Variants in THSD4 observed in about 807,000 individuals in gnomAD.
THSD4 encodes the protein thrombospondin type 1 domain containing 4, also known as thrombospondin type-1 domain-containing protein 4.
A neutral mutation model predicts 119.0 loss-of-function variants in THSD4; 69 were observed. The observed-to-expected ratio is 0.58, with a 90% CI of 0.48 to 0.71. The LOEUF (loss-of-function observed/expected upper bound fraction) is 0.71, where lower values mean the gene tolerates loss of function less well. Ranked by LOEUF, THSD4 falls within the 30% of genes least tolerant of loss-of-function variation. The pLI, the probability that THSD4 is intolerant of heterozygous loss-of-function variation, is 0.00. For missense variants in THSD4, 1,393 were observed against 1,391.1 expected (o/e 1.00, Z -0.02); for synonymous variants, 524 against 540.4 (o/e 0.97, Z 0.42).
At chr15:71,466,213 G>A (rs1004308531) in intron 7 of THSD4, among the ~76,000 whole-genome samples, 15 of 151,808 alleles carry the variant, frequency 9.9e-5, no homozygotes, top group Non-Finnish European at 1.5e-4. Flanking sequence ...TTAGCTGGGC[G>A]TGGTAGCTGT....
chr15:71,368,033 A>T (rs1022327437), intron 6 of THSD4, among the ~76,000 whole-genome samples: 1 of 152,204 alleles, frequency 6.6e-6, no homozygotes, highest in African/African-American at 2.4e-5. Flanking sequence ...TCTGATGGCC[A>T]GTGATGATGA....
intron 2 of THSD4, among the ~76,000 whole-genome samples, chr15:71,143,787 C>A (rs2040630376): frequency 7.0e-6 from 1 of 142,678 alleles, no homozygotes; most frequent in South Asian, 2.4e-4. Flanking sequence ...CTCACTGTAA[C>A]CTTGAACTTC....
At chr15:71,684,784 T>A (rs2051872447) in intron 8 of THSD4, among the ~76,000 whole-genome samples, 1 of 152,150 alleles carries the variant, frequency 6.6e-6, no homozygotes, top group Non-Finnish European at 1.5e-5. Flanking sequence ...TGTTCCAATT[T>A]TTATGTGCTC....
chr15:71,704,288 A>G (rs898183588), intron 8 of THSD4, among the ~76,000 whole-genome samples: 6 of 152,214 alleles, frequency 3.9e-5, no homozygotes, highest in African/African-American at 9.6e-5. Flanking sequence ...TGGTTTGGCT[A>G]TGTCCCCACC....
Position 71,341,925 on chromosome 15 carries a change from A to G in THSD4, c.1016-69762A>G, listed in dbSNP as rs571318457. ...TCTAAAAGTAGCTTGTGTTCAACAT[A>G]AAGTATTCAAACAATCCAATTGAAA... On this transcript the variant is annotated intron_variant, in intron 6 of 17. Transcript: ENST00000261862. Among the ~76,000 whole-genome samples, 18 of 152,252 alleles carry G rather than the reference A, an allele frequency of 1.2e-4. No homozygotes were observed. The East Asian group carries it at 2.1e-3, about 18-fold the overall frequency.
At chr15:71,501,900 A>T (rs577168296) in intron 7 of THSD4, among the ~76,000 whole-genome samples, 3 of 152,262 alleles carry the variant, frequency 2.0e-5, no homozygotes, top group Admixed American at 6.5e-5. Flanking sequence ...TATTTAGTGC[A>T]TGTTACATAA....
At chr15:71,220,467 C>T (rs1484644516) in intron 4 of THSD4, among the ~76,000 whole-genome samples, 1 of 152,198 alleles carries the variant, frequency 6.6e-6, no homozygotes, top group African/African-American at 2.4e-5. Context: ...TTAAACTTCT[C>T]TGAGCCTCAG....
chr15:71,748,637 C>T, intron 14 of THSD4, 43 bp downstream of exon 14: 3 of 1,602,180 alleles, frequency 1.9e-6, no homozygotes, highest in Non-Finnish European at 2.6e-6. Flanking sequence ...CGAGGTCTGC[C>T]AGGTGCCTCC....
At chr15:71,212,360 C>T (rs190261070) in intron 3 of THSD4, among the ~76,000 whole-genome samples, 1 of 152,250 alleles carries the variant, frequency 6.6e-6, no homozygotes, top group Admixed American at 6.5e-5. Flanking sequence ...CGGAATGTGG[C>T]TTCATGTTTT....
At chr15:71,421,122 G>A (rs1238350721) in intron 7 of THSD4, among the ~76,000 whole-genome samples, 1 of 68,638 alleles carries the variant, frequency 1.5e-5, no homozygotes, top group Non-Finnish European at 2.7e-5. Flanking sequence ...TGGTACCACT[G>A]CACTCCAGCC....
At chr15:71,532,303 T>A (rs1331175116) in intron 7 of THSD4, among the ~76,000 whole-genome samples, 110 of 116,020 alleles carry the variant, frequency 9.5e-4, no homozygotes, top group South Asian at 3.7e-3. Flanking sequence ...TGTGTGTGTG[T>A]GTGTGTGTGT....
intron 7 of THSD4, among the ~76,000 whole-genome samples, chr15:71,469,634 A>G (rs1215584168): frequency 6.6e-6 from 1 of 152,134 alleles, no homozygotes; most frequent in Non-Finnish European, 1.5e-5. Context: ...ATATGTGTTC[A>G]ACTTAGGCTC....
At position 71,730,843 on chromosome 15, in the gene THSD4, G is replaced by A. The variant is rs573821418; in HGVS notation, c.1534-278G>A. The A allele has an allele frequency of 6.9e-4, 285 of 413,172 alleles. 1 individual carries two copies. Among genetic ancestry groups the A allele is most frequent in the Non-Finnish European group, 1.0e-3 (222 of 221,088 alleles). The allele number at this position is 413,172 out of a possible 1,614,324, so 25.6% of individuals were successfully genotyped here. A position where few individuals can be genotyped will look rare whatever the true frequency, so the allele number is the denominator to read the frequency against. On this transcript the variant is annotated intron_variant, in intron 9 of 17. Coordinates refer to ENST00000261862, the MANE Select transcript of THSD4 (RefSeq NM_024817.3). ...CTAAGGACAGAAAGGTTCTGCTACC[G>A]TTGCTCCATCTTCTCCTTTGGAGTT...
At chr15:71,605,265 C>G (rs28706029) in intron 7 of THSD4, among the ~76,000 whole-genome samples, 11,037 of 152,234 alleles carry the variant, frequency 0.073, 1,124 homozygotes, top group East Asian at 0.52. Flanking sequence ...TGCCTGGGAC[C>G]ATCCACATTT....
At chr15:71,390,081 G>T (rs1369369697) in intron 6 of THSD4, among the ~76,000 whole-genome samples, 1 of 152,066 alleles carries the variant, frequency 6.6e-6, no homozygotes, top group Admixed American at 6.5e-5. Flanking sequence ...GGGATTACAG[G>T]TTCCATTTTT....
intron 7 of THSD4, among the ~76,000 whole-genome samples, chr15:71,652,033 T>C (rs1183448332): frequency 6.6e-6 from 1 of 152,210 alleles, no homozygotes; most frequent in Non-Finnish European, 1.5e-5. Flanking sequence ...CCATCTGCGC[T>C]CAGGAGGCCC....
chr15:71,633,995 T>C (rs1314989922), intron 7 of THSD4, among the ~76,000 whole-genome samples: 1 of 152,158 alleles, frequency 6.6e-6, no homozygotes, highest in Admixed American at 6.5e-5. Context: ...TAGATCAGCC[T>C]GGCCAACATG....
chr15:71,302,716 T>C (rs2044969194), intron 6 of THSD4, among the ~76,000 whole-genome samples: 1 of 152,072 alleles, frequency 6.6e-6, no homozygotes, highest in Non-Finnish European at 1.5e-5. Context: ...GGAAGTCCGC[T>C]TGGCTGGTGG....
chr15:71,409,163 C>G (rs912470418), intron 6 of THSD4, among the ~76,000 whole-genome samples: 121 of 147,288 alleles, frequency 8.2e-4, no homozygotes, highest in Middle Eastern at 3.5e-3. Flanking sequence ...TTTCCCCCCC[C>G]CTCAGAATGT....
Sources: gnomAD v4.1 joint callset for allele counts (sites outside exome capture counted in the v4.1 genomes callset) on GRCh38, gnomAD v4.1.1 for gene constraint, MANE v1.5 for transcripts, NCBI Gene and HGNC (gene_info 2026-07-23, HGNC 2026-07-21) for gene names.